Variants in GSN observed in about 807,000 individuals in gnomAD.
GSN encodes actin-depolymerizing factor.
Under a neutral mutation model 85.7 loss-of-function variants are expected in GSN, and 56 were observed. That is an observed-to-expected ratio of 0.65 (90% CI 0.53 to 0.82). The LOEUF (loss-of-function observed/expected upper bound fraction) is 0.82. GSN is among the 40% of genes least tolerant of loss of function. The pLI is 0.00. For missense variants in GSN, 857 were observed against 979.8 expected (o/e 0.87, Z 1.67); for synonymous variants, 373 against 399.1 (o/e 0.93, Z 0.78).
At chr9:121,251,916 A>G (rs1451406954) in intron 6 of GSN, among the ~76,000 whole-genome samples, 1 of 152,182 alleles carries the variant, frequency 6.6e-6, no homozygotes, top group Non-Finnish European at 1.5e-5. Flanking sequence ...AGCCGAGATC[A>G]TGCCATTGCA....
chr9:121,258,305 A>G (rs909627160), intron 6 of GSN, among the ~76,000 whole-genome samples: 10 of 152,214 alleles, frequency 6.6e-5, no homozygotes, highest in Admixed American at 1.3e-4. Flanking sequence ...TCTACTAAAA[A>G]TACAAATATT....
upstream of GSN, among the ~76,000 whole-genome samples, chr9:121,205,509 C>A (rs1283256038): frequency 2.6e-5 from 4 of 152,150 alleles, no homozygotes; most frequent in African/African-American, 9.7e-5. Context: ...ACTGGAGGGG[C>A]TTTGGATGGT....
At chr9:121,243,687 C>T (rs925262334) in intron 5 of GSN, among the ~76,000 whole-genome samples, 1 of 152,192 alleles carries the variant, frequency 6.6e-6, no homozygotes, top group African/African-American at 2.4e-5. Context: ...AAGAGATTCT[C>T]CTGCCTCAGC....
At chr9:121,257,275 T>C (rs913598783) in intron 6 of GSN, among the ~76,000 whole-genome samples, 8 of 152,186 alleles carry the variant, frequency 5.3e-5, no homozygotes, top group African/African-American at 1.7e-4. Flanking sequence ...AGACCTACCA[T>C]GTGTCAGGCA....
chr9:121,240,929 T>C (rs1289508901), intron 5 of GSN, among the ~76,000 whole-genome samples: 1 of 152,244 alleles, frequency 6.6e-6, no homozygotes, highest in Non-Finnish European at 1.5e-5. Flanking sequence ...AAGAGCACTC[T>C]TGGTGAAATC....
At chr9:121,288,986 ACT>A (rs1402316667) in intron 2 of GSN, among the ~76,000 whole-genome samples, 4 of 151,952 alleles carry the variant, frequency 2.6e-5, no homozygotes, top group African/African-American at 7.3e-5. Flanking sequence ...GGCATGACAA[ACT>A]CTATGATGCA....
rs182651262 is a variant in GSN, at chr9:121,215,663, C to T, written c.-528+4796C>T. ...GAGCCAAGATCGCGCCACTGCACTCCAGCCTGAGTGACAGAGTAAGACTCT... is the reference window on the plus strand; with the variant it reads ...GAGCCAAGATCGCGCCACTGCACTCTAGCCTGAGTGACAGAGTAAGACTCT... On this transcript the variant is annotated intron_variant, in intron 4 of 24. Coordinates refer to the GSN transcript ENST00000373823. Among the ~76,000 whole-genome samples, 288 of 150,688 alleles carry T rather than the reference C, an allele frequency of 1.9e-3. 2 individuals are homozygous for T. The highest frequency in any genetic ancestry group is 6.7e-3 in the African/African-American group (275 of 41,050).
At chr9:121,224,074 G>A (rs1224463028) in intron 4 of GSN, among the ~76,000 whole-genome samples, 1 of 151,902 alleles carries the variant, frequency 6.6e-6, no homozygotes, top group Non-Finnish European at 1.5e-5. Flanking sequence ...AGGTATATCG[G>A]TGTTATTTGA....
chr9:121,266,851 G>A (rs772684709), upstream of GSN, among the ~76,000 whole-genome samples: 12 of 152,204 alleles, frequency 7.9e-5, no homozygotes, highest in Non-Finnish European at 1.5e-4. Context: ...TGAACAAAGA[G>A]AGAATGGCAG....
rs762294366 is a variant in GSN, at chr9:121,310,844, A to G, written c.512A>G (p.Asn171Ser). The change falls in exon 5 of 18, where the codon AAC (asparagine) becomes AGC (serine). Residue 171 changes from asparagine (N) to serine (S), a missense_variant and splice_region_variant. Asn to Ser is a conservative substitution (Grantham distance 46). Transcript: ENST00000432226. The part of the protein sequence containing the change: ...NGDCFILDLG[N>S]NIHQWCGSNS... Reference sequence around the variant, plus strand: ...GACTGCTTCATCCTGGACCTGGGCAACGTGAGTCCTGCTTTCCTCTTTCCC... The same window carrying G: ...GACTGCTTCATCCTGGACCTGGGCAGCGTGAGTCCTGCTTTCCTCTTTCCC... 4 of 1,613,944 alleles carry G rather than the reference A, an allele frequency of 2.5e-6. No homozygotes were observed. Among genetic ancestry groups the G allele is most frequent in the Non-Finnish European group, 3.4e-6 (4 of 1,179,976 alleles).
intron 6 of GSN, among the ~76,000 whole-genome samples, chr9:121,259,464 G>A (rs2055034337): frequency 6.6e-6 from 1 of 152,178 alleles, no homozygotes; most frequent in Admixed American, 6.5e-5. Flanking sequence ...GAGTTAAACA[G>A]GGGGAAAGTA....
chr9:121,282,452 A>G, intron 2 of GSN: 2 of 1,304,150 alleles, frequency 1.5e-6, no homozygotes, highest in Non-Finnish European at 2.0e-6. Context: ...AAGGGGATGA[A>G]TGAATACAGG....
At position 121,302,968 on chromosome 9, in the gene GSN, A is replaced by T. The variant is rs755676763; in HGVS notation, c.254A>T (p.Asp85Val). ...GCCGCCATCTTTACCGTGCAGCTGGATGACTACCTGAACGGCCGGGCCGTG... is the reference window on the plus strand; with the variant it reads ...GCCGCCATCTTTACCGTGCAGCTGGTTGACTACCTGAACGGCCGGGCCGTG... Reference protein sequence around the residue: ...GAAAIFTVQLDDYLNGRAVQH... With the variant: ...GAAAIFTVQLVDYLNGRAVQH... Residue 85 changes from aspartate (D) to valine (V), a missense_variant, in exon 4 of 18, where the codon GAT becomes GTT. Physicochemically the swap from Asp to Val is radical, Grantham distance 152 (BLOSUM62 -3). Coordinates refer to ENST00000432226, the MANE Select transcript of GSN (RefSeq NM_198252.3). 1.9e-6 allele frequency: 3 copies of T among 1,613,916 alleles called. No homozygotes were observed. Among genetic ancestry groups the T allele is most frequent in the Non-Finnish European group, 2.5e-6 (3 of 1,179,942 alleles).
intron 13 of GSN, 124 bp from the exon 14 acceptor site, chr9:121,327,184 G>C: frequency 3.5e-6 from 3 of 847,558 alleles, no homozygotes; most frequent in Non-Finnish European, 6.2e-6. Context: ...CCTCAGCTCT[G>C]ATGGGCTGTG....
chr9:121,208,979 C>G (rs1160149931), intron 1 of GSN, among the ~76,000 whole-genome samples: 1 of 152,232 alleles, frequency 6.6e-6, no homozygotes, highest in African/African-American at 2.4e-5. Flanking sequence ...CCATTTGGGG[C>G]TCTATGCAGG....
At chr9:121,206,441 T>A (rs1160060176), upstream of GSN, among the ~76,000 whole-genome samples, 1 of 152,210 alleles carries the variant, frequency 6.6e-6, no homozygotes, top group Non-Finnish European at 1.5e-5. Context: ...AGGTGATGCA[T>A]AAATGTAACA....
rs577573512 is a variant in GSN at position 121,325,286 on chromosome 9, G to C, written c.1416+642G>C. On this transcript the variant is annotated intron_variant, in intron 12 of 17. Transcript: ENST00000432226. ...ATTAGAAAAGCCCACCCCTGTCCCA[G>C]GAGGGGACTGTTCAACTGGGACCTG... is the stretch of plus-strand genomic sequence containing the variant. 2.6e-5 allele frequency among the ~76,000 whole-genome samples: 4 copies of C among 152,362 alleles called. No individual in the cohort carries two copies. In the South Asian group the frequency reaches 8.3e-4, roughly 32 times the overall value.
intron 1 of GSN, among the ~76,000 whole-genome samples, chr9:121,271,227 T>C (rs2055894858): frequency 6.6e-6 from 1 of 152,130 alleles, no homozygotes; most frequent in Non-Finnish European, 1.5e-5. Flanking sequence ...GCTGGGATGC[T>C]CCTGTAATCC....
intron 2 of GSN, among the ~76,000 whole-genome samples, chr9:121,288,129 G>C (rs1202901997): frequency 6.6e-6 from 1 of 152,050 alleles, no homozygotes; most frequent in Non-Finnish European, 1.5e-5. Flanking sequence ...GACTTGTGGT[G>C]ATGCCCAGGC....
Sources: allele counts gnomAD v4.1 joint callset (sites outside exome capture counted in the v4.1 genomes callset), GRCh38; gene constraint gnomAD v4.1.1; transcripts MANE v1.5; gene names NCBI Gene and HGNC (gene_info 2026-07-23, HGNC 2026-07-21).